The following PADI6 variants were observed in gnomAD, a reference collection of about 807,000 sequenced individuals.
PADI6 encodes the protein peptidyl arginine deiminase 6.
PADI6 carries 66 observed loss-of-function variants against 78.2 expected under a neutral mutation model. That is an observed-to-expected ratio of 0.84 (90% CI 0.69 to 1.04). PADI6 has a LOEUF of 1.04. Ranked by LOEUF, PADI6 falls within the 50% of genes least tolerant of loss-of-function variation. PADI6 has a pLI of 0.00. For missense variants in PADI6, 854 were observed against 866.1 expected, an observed-to-expected ratio of 0.99 and a Z score of 0.18; for synonymous variants, 397 against 346.9, an observed-to-expected ratio of 1.14 and a Z score of -1.60.
chr1:17,385,197 TG>T (rs2075108105), intron 6 of PADI6, among the ~76,000 whole-genome samples: 1 of 64,894 alleles, frequency 1.5e-5, no homozygotes, highest in African/African-American at 5.1e-5. Context: ...CGATAGTGTT[TG>T]AGTAGTGTTG....
intron 12 of PADI6, 85 bp downstream of exon 12, chr1:17,395,192 TTTTC>T (rs759961188): frequency 1.1e-4 from 159 of 1,414,000 alleles, no homozygotes; most frequent in Non-Finnish European, 1.5e-4. Flanking sequence ...AAAACTGGCT[TTTTC>T]TTGTTTTTTT....
At position 17,392,130 on chromosome 1, in the gene PADI6, G is replaced by C. The variant is rs964486097; in HGVS notation, c.979G>C (p.Gly327Arg). 1 of 1,558,478 alleles carries C rather than the reference G, an allele frequency of 6.4e-7. No individual in the cohort carries two copies. Among genetic ancestry groups the C allele is most frequent in the Non-Finnish European group, 8.7e-7 (1 of 1,151,064 alleles). Residue 327 changes from glycine (G) to arginine (R), a missense_variant, in exon 9 of 16, where the codon GGT becomes CGT. Transcript: ENST00000619609. Reference protein sequence around the residue: ...VYLCRELQLQGFVDTVTKLSE... With the variant: ...VYLCRELQLQRFVDTVTKLSE... ...CCATGGCAGGGAGCTGCAGCTGCAG[G>C]GTTTTGTGGACACAGTGACGAAGCT... is the stretch of plus-strand genomic sequence containing the variant.
chr1:17,386,644 G>A (rs143133705), intron 6 of PADI6, among the ~76,000 whole-genome samples: 44 of 152,312 alleles, frequency 2.9e-4, no homozygotes, highest in East Asian at 9.6e-4. Flanking sequence ...AAGCATCTAG[G>A]TAGATGAGAA....
At position 17,396,641 on chromosome 1, in the gene PADI6, G is replaced by A. The variant is rs1257089090; in HGVS notation, c.1619-430G>A. Among the ~76,000 whole-genome samples the A allele has an allele frequency of 3.3e-5, 5 of 152,168 alleles. No homozygotes were observed. The East Asian group carries it at 9.6e-4, about 29-fold the overall frequency. On this transcript the variant is annotated intron_variant, in intron 13 of 15. Transcript: ENST00000619609. Reference sequence around the variant, plus strand: ...ACATGACAAAGACTATCACCTCAGAGCTGGCAAATAAATTGGGCATCCCTG... The same window carrying A: ...ACATGACAAAGACTATCACCTCAGAACTGGCAAATAAATTGGGCATCCCTG...
intron 6 of PADI6, among the ~76,000 whole-genome samples, chr1:17,385,544 G>A (rs1320536635): frequency 2.0e-5 from 3 of 152,112 alleles, no homozygotes; most frequent in Non-Finnish European, 4.4e-5. Flanking sequence ...CTTGGAGGTG[G>A]CATCTAGTCT....
intron 15 of PADI6, among the ~76,000 whole-genome samples, chr1:17,399,867 T>A (rs1177863455): frequency 6.6e-6 from 1 of 151,726 alleles, no homozygotes; most frequent in African/African-American, 2.4e-5. Context: ...GTTGAAACTC[T>A]CTAGTAAGAA....
intron 9 of PADI6, 41 bp downstream of exon 9, chr1:17,392,266 G>A (rs1215269874): frequency 1.4e-6 from 2 of 1,442,152 alleles, no homozygotes; most frequent in East Asian, 5.0e-5. Context: ...GGGAGGGGTG[G>A]GGAGACTCAG....
In PADI6 at chr1:17,373,226, C is replaced by T. The variant is rs779603539; in HGVS notation, c.287C>T (p.Ala96Val). Residue 96 changes from alanine (A) to valine (V), a missense_variant, in exon 2 of 16, where the codon GCG becomes GTG. Transcript: ENST00000619609. The part of the protein sequence containing the change: ...KMTSPSPSVD[A>V]DKVSVTYYGP... ...ACATCGCCCAGCCCTTCCGTGGATG[C>T]GGATAAGGTAAGCCTCAGGGGAAGA... 52 of 1,613,602 alleles carry T rather than the reference C, an allele frequency of 3.2e-5. No homozygotes were observed. Among genetic ancestry groups the T allele is most frequent in the Non-Finnish European group, 4.0e-5 (47 of 1,179,758 alleles).
intron 8 of PADI6, among the ~76,000 whole-genome samples, chr1:17,390,424 A>ACC (rs984711451): frequency 6.6e-6 from 1 of 151,800 alleles, no homozygotes; most frequent in Non-Finnish European, 1.5e-5. Flanking sequence ...ACATGGTAAA[A>ACC]CCCCGTCTCT....
At chr1:17,379,888 G>A (rs763272327) in intron 3 of PADI6, 32 bp from the exon 4 acceptor site, 7 of 1,605,488 alleles carry the variant, frequency 4.4e-6, no homozygotes, top group South Asian at 1.1e-5. Flanking sequence ...GGCAGGTCAA[G>A]GTGGCTGGGA....
Position 17,372,365 on chromosome 1 carries a change from A to G in PADI6, c.116+4A>G, listed in dbSNP as rs891358002. 3 of 1,613,424 alleles carry G rather than the reference A, an allele frequency of 1.9e-6. No individual in the cohort carries two copies. The African/African-American group carries it at 4.0e-5, about 22-fold the overall frequency. On this transcript the variant is annotated splice_donor_region_variant and intron_variant, in intron 1 of 15. Transcript: ENST00000619609. ...AAATCTGCTTGGATCTCAGCGGGTG[A>G]GATGCTGGGAGCTCTGCCAGAGGTG...
intron 6 of PADI6, among the ~76,000 whole-genome samples, chr1:17,382,335 T>TG (rs1431144237): frequency 6.6e-6 from 1 of 152,140 alleles, no homozygotes; most frequent in South Asian, 2.1e-4. Flanking sequence ...ACTTGTAAAA[T>TG]GGGGGTAGCT....
chr1:17,395,430 C>G (rs2075236927), intron 12 of PADI6, 110 bp from the exon 13 acceptor site: 1 of 1,380,730 alleles, frequency 7.2e-7, no homozygotes, highest in Non-Finnish European at 9.7e-7. Flanking sequence ...TCTCGAACTT[C>G]TGACCTCAGA....
At chr1:17,374,959 C>G (rs375677463) in intron 2 of PADI6, among the ~76,000 whole-genome samples, 139 of 152,264 alleles carry the variant, frequency 9.1e-4, no homozygotes, top group African/African-American at 3.3e-3. Context: ...TGCTTCTTCA[C>G]CTGGGTGTCC....
intron 10 of PADI6, 62 bp downstream of exon 10, chr1:17,394,144 A>C: frequency 6.3e-7 from 1 of 1,575,594 alleles, no homozygotes; most frequent in Non-Finnish European, 8.7e-7. Flanking sequence ...GGGCCTGCCT[A>C]GAAATAATGG....
rs754684304 is a variant in PADI6 at position 17,372,282 on chromosome 1, A to G, written c.37A>G (p.Ser13Gly). The change falls in exon 1 of 16, where the codon AGT becomes GGT. Residue 13 changes from serine to glycine, a missense_variant. By Grantham distance (56) the Ser-to-Gly change is moderately conservative. Coordinates refer to ENST00000619609, the MANE Select transcript of PADI6 (RefSeq NM_207421.4). ...GGAGGGCCGAGCCATGTCCTTCCAG[A>G]GTATCATCCACCTGTCCCTGGACAG... Reference protein sequence around the residue: ...SVEGRAMSFQSIIHLSLDSPV... With the variant: ...SVEGRAMSFQGIIHLSLDSPV... 4.3e-6 allele frequency: 7 copies of G among 1,613,784 alleles called. No homozygotes were observed. The highest frequency in any genetic ancestry group is 3.3e-5 in the Admixed American group (2 of 59,994).
At position 17,388,857 on chromosome 1, in the gene PADI6, G is replaced by A. The variant is rs769557749; in HGVS notation, c.939G>A (p.Val313=). ...GTGTCTTCATTCCCTGTACCCAGGT[G>A]CCTCTGGAGGTTTACCTGTGCAGGT... ...APCVFIPCTQ[V]PLEVYLCREL... Residue 313 remains valine, a synonymous_variant, in exon 8 of 16, where the codon GTG becomes GTA. Coordinates refer to ENST00000619609, the MANE Select transcript of PADI6 (RefSeq NM_207421.4). The A allele has an allele frequency of 6.2e-7, 1 of 1,613,652 alleles. No homozygotes were observed. Among genetic ancestry groups the A allele is most frequent in the Non-Finnish European group, 8.5e-7 (1 of 1,179,786 alleles).
intron 3 of PADI6, among the ~76,000 whole-genome samples, chr1:17,377,000 G>C (rs2075025970): frequency 6.6e-6 from 1 of 152,030 alleles, no homozygotes; most frequent in Admixed American, 6.6e-5. Context: ...AGCCTCTCCA[G>C]TAGCTTGGAC....
intron 8 of PADI6, among the ~76,000 whole-genome samples, chr1:17,391,467 G>A (rs1429436933): frequency 5.3e-5 from 8 of 152,168 alleles, no homozygotes; most frequent in Non-Finnish European, 7.4e-5. Context: ...TGATCCGCCC[G>A]CCTCAGCCTC....
Sources: gnomAD v4.1 joint callset for allele counts (sites outside exome capture counted in the v4.1 genomes callset) on GRCh38, gnomAD v4.1.1 for gene constraint, MANE v1.5 for transcripts, NCBI Gene and HGNC (gene_info 2026-07-23, HGNC 2026-07-21) for gene names.